The following MAN1A1 variants were observed in gnomAD, a reference collection of about 807,000 sequenced individuals.
The protein encoded by MAN1A1 is mannosyl-oligosaccharide 1,2-alpha-mannosidase IA.
Under a neutral mutation model 70.8 loss-of-function variants are expected in MAN1A1, and 29 were observed. The observed-to-expected ratio is 0.41, with a 90% confidence interval of 0.31 to 0.56. The LOEUF is 0.56. MAN1A1 is among the 20% of genes least tolerant of loss of function. The pLI is 0.29. For synonymous variants in MAN1A1, 349 were observed against 330.1 expected (o/e 1.06, Z -0.62); for missense variants, 747 against 841.3 (o/e 0.89, Z 1.39).
Position 119,178,292 on chromosome 6 carries a change from C to G in MAN1A1, c.*1527G>C, listed in dbSNP as rs1170309668. The G allele has an allele frequency of 2.0e-5, 3 of 151,988 alleles. No homozygotes were observed. Among genetic ancestry groups the G allele is most frequent in the Non-Finnish European group, 4.4e-5 (3 of 67,932 alleles). 9.4% of individuals were successfully genotyped at this position (151,988 alleles called of 1,614,324 possible). A position where few individuals can be genotyped will look rare whatever the true frequency, so the allele number is the denominator to read the frequency against. ...TTGTCTTCAATAATATTAGGTGGAA[C>G]CATATGAAACTGCTGACAGTTTTTA... On this transcript the variant is annotated 3_prime_UTR_variant, in exon 13 of 13. Transcript: ENST00000368468.
intron 3 of MAN1A1, among the ~76,000 whole-genome samples, chr6:119,304,939 G>T (rs2144234): frequency 2.8e-5 from 3 of 108,644 alleles, no homozygotes; most frequent in African/African-American, 1.0e-4. Context: ...GTGGGCTAAA[G>T]AAATCATTTC....
chr6:119,267,629 A>C (rs1408493), intron 5 of MAN1A1, among the ~76,000 whole-genome samples: 1 of 151,984 alleles, frequency 6.6e-6, no homozygotes, highest in African/African-American at 2.4e-5. Context: ...ATCCAGATCA[A>C]GAAACAGGAC....
At chr6:119,323,427 T>G (rs1329571654) in intron 2 of MAN1A1, among the ~76,000 whole-genome samples, 1 of 152,252 alleles carries the variant, frequency 6.6e-6, no homozygotes, top group Non-Finnish European at 1.5e-5. Flanking sequence ...CATATTTTTT[T>G]TAACCAATAC....
intron 6 of MAN1A1, among the ~76,000 whole-genome samples, chr6:119,223,685 A>G (rs1363041269): frequency 6.6e-6 from 1 of 152,112 alleles, no homozygotes; most frequent in Non-Finnish European, 1.5e-5. Context: ...ATTATGGCCT[A>G]TTTAGGAGAT....
chr6:119,276,959 A>G (rs563681286), intron 5 of MAN1A1, among the ~76,000 whole-genome samples: 1 of 152,338 alleles, frequency 6.6e-6, no homozygotes, highest in Non-Finnish European at 1.5e-5. Flanking sequence ...CACGAAAAAA[A>G]TTCTTCTGTT....
intron 10 of MAN1A1, among the ~76,000 whole-genome samples, chr6:119,189,080 T>G (rs1389607919): frequency 6.6e-6 from 1 of 152,152 alleles, no homozygotes; most frequent in African/African-American, 2.4e-5. Context: ...CTTAAACAAT[T>G]TAGTCATTGA....
intron 5 of MAN1A1, among the ~76,000 whole-genome samples, chr6:119,273,887 A>T (rs9489647): frequency 0.041 from 6,278 of 152,282 alleles, 145 homozygotes; most frequent in African/African-American, 0.054. Flanking sequence ...TGATTCAGCA[A>T]CTATCTGGAC....
At chr6:119,271,271 T>C (rs187305317) in intron 5 of MAN1A1, among the ~76,000 whole-genome samples, 1 of 152,276 alleles carries the variant, frequency 6.6e-6, no homozygotes, top group East Asian at 1.9e-4. Flanking sequence ...TCTAGAAAAA[T>C]GGATTTAAAG....
At chr6:119,283,899 C>A (rs1776286036) in intron 5 of MAN1A1, among the ~76,000 whole-genome samples, 1 of 152,056 alleles carries the variant, frequency 6.6e-6, no homozygotes, top group Non-Finnish European at 1.5e-5. Context: ...TCCTTAGTGC[C>A]ACAGTGGGGA....
At chr6:119,191,923 A>C (rs1195608311) in intron 9 of MAN1A1, among the ~76,000 whole-genome samples, 1 of 152,198 alleles carries the variant, frequency 6.6e-6, no homozygotes, top group Non-Finnish European at 1.5e-5. Flanking sequence ...GTATAAGACA[A>C]TGCTACTTCT....
intron 9 of MAN1A1, among the ~76,000 whole-genome samples, chr6:119,191,247 T>C (rs1289409119): frequency 6.6e-6 from 1 of 152,168 alleles, no homozygotes; most frequent in Non-Finnish European, 1.5e-5. Flanking sequence ...CAAATTGCAA[T>C]AAAGTCCTTC....
At chr6:119,197,795 G>GTTTT (rs1181823358) in intron 8 of MAN1A1, among the ~76,000 whole-genome samples, 3 of 150,786 alleles carry the variant, frequency 2.0e-5, no homozygotes, top group Admixed American at 6.6e-5. Context: ...ATCCTGTTTT[G>GTTTT]TTTTTTGTTT....
At chr6:119,337,965 G>C (rs1045303855) in intron 2 of MAN1A1, among the ~76,000 whole-genome samples, 1 of 151,302 alleles carries the variant, frequency 6.6e-6, no homozygotes, top group African/African-American at 2.4e-5. Flanking sequence ...TGCTGACTTG[G>C]GCTAATAACT....
intron 6 of MAN1A1, among the ~76,000 whole-genome samples, chr6:119,233,786 G>T (rs1017733656): frequency 6.6e-6 from 1 of 152,196 alleles, no homozygotes; most frequent in Non-Finnish European, 1.5e-5. Flanking sequence ...ATAAGAAGTT[G>T]GCAATGGGAC....
At chr6:119,196,387 A>G (rs974261236) in intron 8 of MAN1A1, among the ~76,000 whole-genome samples, 52 of 151,782 alleles carry the variant, frequency 3.4e-4, no homozygotes, top group African/African-American at 1.2e-3. Flanking sequence ...TTAATTTAGC[A>G]TGTCACTCAC....
At chr6:119,184,806 A>C (rs1773242932) in intron 11 of MAN1A1, among the ~76,000 whole-genome samples, 1 of 152,186 alleles carries the variant, frequency 6.6e-6, no homozygotes, top group African/African-American at 2.4e-5. Flanking sequence ...ATCTATGTGA[A>C]TATATACATA....
chr6:119,239,737 T>A (rs149644963), intron 6 of MAN1A1, among the ~76,000 whole-genome samples: 18 of 152,344 alleles, frequency 1.2e-4, no homozygotes, highest in African/African-American at 4.3e-4. Flanking sequence ...TTGAGATTAA[T>A]CACAGGAAAA....
At chr6:119,329,850 T>C (rs552955538) in intron 2 of MAN1A1, among the ~76,000 whole-genome samples, 1 of 152,332 alleles carries the variant, frequency 6.6e-6, no homozygotes, top group Admixed American at 6.5e-5. Flanking sequence ...AATACTGCAC[T>C]GAATCAGCCC....
At chr6:119,193,190 C>T (rs569357508) in intron 9 of MAN1A1, among the ~76,000 whole-genome samples, 1 of 150,872 alleles carries the variant, frequency 6.6e-6, no homozygotes, top group South Asian at 2.1e-4. Flanking sequence ...CCAACTCCAC[C>T]GCTTCATTTA....
Sources: allele counts gnomAD v4.1 joint callset (sites outside exome capture counted in the v4.1 genomes callset), GRCh38; gene constraint gnomAD v4.1.1; transcripts MANE v1.5; gene names NCBI Gene and HGNC (gene_info 2026-07-23, HGNC 2026-07-21).